SYT1: variants seen among roughly 807,000 people sequenced by gnomAD.
SYT1 encodes the protein synaptotagmin 1, also known as synaptotagmin-1.
A neutral mutation model predicts 44.8 loss-of-function variants in SYT1; 8 were observed. The observed-to-expected ratio is 0.18, with a 90% CI of 0.10 to 0.32. The LOEUF is 0.32. Among genes scored for constraint, SYT1 ranks in the 10% least tolerant of loss-of-function variants. The probability of loss-of-function intolerance (pLI) is 1.00; values close to 1 mark genes in which losing one functional copy is unlikely to be tolerated. For synonymous variants in SYT1, 154 were observed against 188.8 expected (o/e 0.82, Z 1.51); for missense variants, 286 against 509.3 (o/e 0.56, Z 4.22).
intron 5 of SYT1, among the ~76,000 whole-genome samples, chr12:79,288,330 A>C (rs1349868813): frequency 6.6e-6 from 1 of 152,144 alleles, no homozygotes; most frequent in Non-Finnish European, 1.5e-5. Flanking sequence ...GTTGAAGTGA[A>C]CATGGGGAAG....
intron 4 of SYT1, among the ~76,000 whole-genome samples, chr12:79,245,010 CAAGAT>C (rs1876739054): frequency 6.6e-6 from 1 of 151,984 alleles, no homozygotes; most frequent in African/African-American, 2.4e-5. Context: ...ATTATGGCTA[CAAGAT>C]AAGGTATGAG....
At chr12:78,993,950 T>G (rs1388996942) in intron 2 of SYT1, among the ~76,000 whole-genome samples, 1 of 152,180 alleles carries the variant, frequency 6.6e-6, no homozygotes, top group Non-Finnish European at 1.5e-5. Context: ...TGACACAACT[T>G]AATAATTATG....
chr12:79,222,733 T>C (rs2138583375), intron 4 of SYT1, among the ~76,000 whole-genome samples: 1 of 152,284 alleles, frequency 6.6e-6, no homozygotes, highest in South Asian at 2.1e-4. Flanking sequence ...TTTTATCTCC[T>C]ATGGCTTGAT....
intron 3 of SYT1, among the ~76,000 whole-genome samples, chr12:79,185,397 G>C (rs930787772): frequency 1.3e-5 from 2 of 151,930 alleles, no homozygotes; most frequent in Non-Finnish European, 1.5e-5. Flanking sequence ...GCACATTGGA[G>C]TGATCTAGTG....
chr12:79,384,848 T>A (rs1032345061), intron 9 of SYT1, among the ~76,000 whole-genome samples: 1 of 152,192 alleles, frequency 6.6e-6, no homozygotes, highest in Non-Finnish European at 1.5e-5. Context: ...TTACGTAAGA[T>A]GTTATGTTCC....
intron 3 of SYT1, among the ~76,000 whole-genome samples, chr12:79,132,040 A>C (rs1868857776): frequency 6.6e-6 from 1 of 152,198 alleles, no homozygotes. Context: ...GGTTAACCAG[A>C]GTGAGTTTTC....
chr12:79,335,617 C>T (rs1454007705), intron 8 of SYT1, among the ~76,000 whole-genome samples: 1 of 152,080 alleles, frequency 6.6e-6, no homozygotes, highest in Admixed American at 6.5e-5. Flanking sequence ...TAACATTTTC[C>T]TCCATTCAAT....
chr12:79,212,829 A>G (rs1565858053), intron 3 of SYT1, among the ~76,000 whole-genome samples: 1 of 152,226 alleles, frequency 6.6e-6, no homozygotes, highest in Non-Finnish European at 1.5e-5. Context: ...GGAACCTTGG[A>G]TCAGGCTAAA....
chr12:79,071,491 G>A (rs1316827747), intron 3 of SYT1, among the ~76,000 whole-genome samples: 8 of 152,154 alleles, frequency 5.3e-5, no homozygotes, highest in Non-Finnish European at 2.9e-5. Context: ...GTATCCCAAA[G>A]CCTAAATGTG....
rs1565840966 is a variant in SYT1 at position 79,178,976 on chromosome 12, A to C, written c.-17-38527A>C. Among the ~76,000 whole-genome samples, 3 of 108,530 alleles carry C rather than the reference A, an allele frequency of 2.8e-5. 1 individual carries two copies. The highest frequency in any genetic ancestry group is 3.8e-5 in the African/African-American group (1 of 26,548). The allele number at this position is 108,530 out of a possible 152,430, so 71.2% of individuals were successfully genotyped here. On this transcript the variant is annotated intron_variant, in intron 3 of 10. Coordinates refer to ENST00000261205, the MANE Select transcript of SYT1 (RefSeq NM_005639.3). The stretch of plus-strand genomic sequence containing the variant: ...TATAGATATAGATATAGATATATAG[A>C]TATAGATATATCTATATAGATATAG...
At chr12:79,275,932 G>T (rs770461341) in intron 4 of SYT1, among the ~76,000 whole-genome samples, 1 of 152,210 alleles carries the variant, frequency 6.6e-6, no homozygotes, top group Non-Finnish European at 1.5e-5. Flanking sequence ...CAAGCAGCAT[G>T]TGAGAAAGTC....
intron 3 of SYT1, among the ~76,000 whole-genome samples, chr12:79,077,518 T>G (rs1592727159): frequency 6.6e-6 from 1 of 152,150 alleles, no homozygotes; most frequent in Non-Finnish European, 1.5e-5. Flanking sequence ...ATTAGGTGGT[T>G]ATTTGGGTAA....
At chr12:79,202,286 A>T (rs1050918087) in intron 3 of SYT1, among the ~76,000 whole-genome samples, 3 of 152,218 alleles carry the variant, frequency 2.0e-5, no homozygotes, top group African/African-American at 2.4e-5. Flanking sequence ...ATGACCTTTT[A>T]TTACAGTTAC....
At chr12:79,024,670 A>G (rs1872411668) in intron 2 of SYT1, among the ~76,000 whole-genome samples, 1 of 151,740 alleles carries the variant, frequency 6.6e-6, no homozygotes, top group South Asian at 2.1e-4. Context: ...TCTCCCCTGG[A>G]AAGTACTTTC....
intron 3 of SYT1, among the ~76,000 whole-genome samples, chr12:79,120,167 G>C (rs559196145): frequency 6.6e-6 from 1 of 152,230 alleles, no homozygotes; most frequent in African/African-American, 2.4e-5. Flanking sequence ...ACCCAAGTCA[G>C]AATGTTCGTA....
intron 3 of SYT1, among the ~76,000 whole-genome samples, chr12:79,186,799 ATAAT>A (rs1872826943): frequency 6.6e-6 from 1 of 152,074 alleles, no homozygotes; most frequent in Non-Finnish European, 1.5e-5. Context: ...TTGCAAGTGA[ATAAT>A]TAGTGAATGT....
chr12:78,925,862 T>C (rs951763939), intron 1 of SYT1, among the ~76,000 whole-genome samples: 7 of 152,186 alleles, frequency 4.6e-5, no homozygotes, highest in African/African-American at 1.7e-4. Context: ...TTTGGTATTT[T>C]AACTCTTACT....
chr12:78,877,398 G>A (rs1874231258), intron 1 of SYT1, among the ~76,000 whole-genome samples: 1 of 151,458 alleles, frequency 6.6e-6, no homozygotes, highest in Non-Finnish European at 1.5e-5. Flanking sequence ...ACAACATGTG[G>A]GAATTTTGGG....
chr12:79,088,492 G>A (rs533266275), intron 3 of SYT1, among the ~76,000 whole-genome samples: 5 of 152,152 alleles, frequency 3.3e-5, no homozygotes, highest in South Asian at 4.1e-4. Flanking sequence ...TGGCCAGAGC[G>A]GAGTGGCTGA....
Sources: gnomAD v4.1 joint callset for allele counts (sites outside exome capture counted in the v4.1 genomes callset) on GRCh38, gnomAD v4.1.1 for gene constraint, MANE v1.5 for transcripts, NCBI Gene and HGNC (gene_info 2026-07-23, HGNC 2026-07-21) for gene names.